Variants in SYNPR observed in about 807,000 individuals in gnomAD.
The protein encoded by SYNPR is synaptoporin.
Under a neutral mutation model 32.9 loss-of-function variants are expected in SYNPR, and 23 were observed. The observed-to-expected ratio is 0.70, with a 90% CI of 0.50 to 0.99. SYNPR has a LOEUF of 0.99. Among genes scored for constraint, SYNPR ranks in the 50% least tolerant of loss-of-function variants. SYNPR has a pLI of 0.00. For synonymous variants in SYNPR, 146 were observed against 135.9 expected (o/e 1.07, Z -0.52); for missense variants, 318 against 349.3 (o/e 0.91, Z 0.71).
At chr3:63,484,723 C>T (rs555639866) in intron 3 of SYNPR, among the ~76,000 whole-genome samples, 1 of 152,096 alleles carries the variant, frequency 6.6e-6, no homozygotes, top group African/African-American at 2.4e-5. Context: ...GAAGATTGGG[C>T]TGAGAAAAAT....
At chr3:63,337,990 A>G (rs907609186) in intron 2 of SYNPR, among the ~76,000 whole-genome samples, 4 of 152,186 alleles carry the variant, frequency 2.6e-5, no homozygotes, top group Non-Finnish European at 5.9e-5. Flanking sequence ...CAAACAGGGA[A>G]CTCTAATGCA....
chr3:63,361,300 G>A (rs2087656535), intron 2 of SYNPR, among the ~76,000 whole-genome samples: 1 of 151,994 alleles, frequency 6.6e-6, no homozygotes, highest in South Asian at 2.1e-4. Context: ...AGGAAAAATG[G>A]ATATAGGCCA....
chr3:63,228,852 C>A (rs1470727374), intron 1 of SYNPR, among the ~76,000 whole-genome samples: 1 of 151,972 alleles, frequency 6.6e-6, no homozygotes, highest in Non-Finnish European at 1.5e-5. Flanking sequence ...TTTGCTTTCA[C>A]GCCATCTGAG....
At chr3:63,408,325 AAAGAAAGAAAG>A (rs1560221262) in intron 2 of SYNPR, among the ~76,000 whole-genome samples, 2 of 127,144 alleles carry the variant, frequency 1.6e-5, no homozygotes, top group African/African-American at 6.6e-5. Context: ...GGAAGGAAAG[AAAGAAAGAAAG>A]AAAGAAAGAA....
rs536857532 is a variant in SYNPR at position 63,541,815 on chromosome 3, C to T, written c.210-14728C>T. ...CTAAAATTAATTTCAGAAAAGAATG[C>T]TTTTCAATCATGCAGTATCCAGTGT... On this transcript the variant is annotated intron_variant, in intron 3 of 5. Transcript: ENST00000478300. Among the ~76,000 whole-genome samples, 114 of 152,172 alleles carry T rather than the reference C, an allele frequency of 7.5e-4. 1 individual carries two copies. Among genetic ancestry groups the T allele is most frequent in the Middle Eastern group, 6.8e-3 (2 of 294 alleles).
intron 3 of SYNPR, among the ~76,000 whole-genome samples, chr3:63,485,169 T>C (rs956818606): frequency 2.6e-5 from 4 of 151,724 alleles, no homozygotes; most frequent in Non-Finnish European, 4.4e-5. Flanking sequence ...TGAAGAGAGG[T>C]CACCAAGAGA....
intron 2 of SYNPR, among the ~76,000 whole-genome samples, chr3:63,480,556 G>A (rs574189823): frequency 6.6e-6 from 1 of 152,050 alleles, no homozygotes; most frequent in Non-Finnish European, 1.5e-5. Context: ...TCTGAGACAC[G>A]ACAGCTCTTT....
intron 2 of SYNPR, among the ~76,000 whole-genome samples, chr3:63,362,908 T>C (rs565485073): frequency 1.7e-3 from 252 of 152,318 alleles, no homozygotes; most frequent in Non-Finnish European, 2.2e-3. Flanking sequence ...AAAAATTTCA[T>C]GGAGAGCAAA....
At chr3:63,367,440 C>T (rs2087740803) in intron 2 of SYNPR, among the ~76,000 whole-genome samples, 1 of 151,830 alleles carries the variant, frequency 6.6e-6, no homozygotes, top group Admixed American at 6.6e-5. Flanking sequence ...GGTTACTGCA[C>T]CCTCCACCTC....
chr3:63,582,076 G>A (rs1239024213), intron 4 of SYNPR, among the ~76,000 whole-genome samples: 1 of 151,512 alleles, frequency 6.6e-6, no homozygotes, highest in Non-Finnish European at 1.5e-5. Context: ...ACGGAATCAA[G>A]ATGTTGCATA....
intron 2 of SYNPR, among the ~76,000 whole-genome samples, chr3:63,411,237 G>A (rs146529845): frequency 3.3e-5 from 5 of 152,206 alleles, no homozygotes; most frequent in African/African-American, 1.2e-4. Context: ...GAGGTCAAAG[G>A]TGGTAAGGCT....
At chr3:63,265,749 G>A (rs1037320087) in intron 2 of SYNPR, among the ~76,000 whole-genome samples, 2 of 152,090 alleles carry the variant, frequency 1.3e-5, no homozygotes, top group African/African-American at 2.4e-5. Flanking sequence ...TTCATCACTA[G>A]ACTTTCACAT....
chr3:63,336,027 C>T (rs923395382), intron 2 of SYNPR, among the ~76,000 whole-genome samples: 5 of 151,980 alleles, frequency 3.3e-5, no homozygotes, highest in Non-Finnish European at 7.4e-5. Context: ...CCGCCTGCCT[C>T]GGCCTCCCAT....
chr3:63,566,824 C>T (rs58269561), intron 4 of SYNPR, among the ~76,000 whole-genome samples: 6,490 of 152,250 alleles, frequency 0.043, 490 homozygotes, highest in African/African-American at 0.15. Flanking sequence ...GCCACTAGAA[C>T]AACACCAGGC....
At chr3:63,387,824 G>A (rs917960255) in intron 2 of SYNPR, among the ~76,000 whole-genome samples, 16 of 152,146 alleles carry the variant, frequency 1.1e-4, no homozygotes, top group South Asian at 2.1e-4. Context: ...ATTGGGTGGC[G>A]GAGGGACAAA....
intron 2 of SYNPR, among the ~76,000 whole-genome samples, chr3:63,352,203 T>A (rs578235529): frequency 3.2e-4 from 48 of 152,204 alleles, no homozygotes; most frequent in African/African-American, 1.1e-3. Flanking sequence ...GAGTTGATCA[T>A]CAAGACTTGA....
chr3:63,338,579 A>G (rs530405742), intron 2 of SYNPR, among the ~76,000 whole-genome samples: 9 of 152,344 alleles, frequency 5.9e-5, no homozygotes, highest in African/African-American at 1.9e-4. Flanking sequence ...ATAAGAGCCA[A>G]TAGAGAACTG....
chr3:63,203,680 G>C, the SYNPR span, among the ~76,000 whole-genome samples: 1 of 152,156 alleles, frequency 6.6e-6, no homozygotes, highest in East Asian at 1.9e-4. Flanking sequence ...ATGCTACCTA[G>C]ACACTACTGC....
Position 63,615,453 on chromosome 3 carries a change from G to A in SYNPR, c.830G>A (p.Gly277Asp), listed in dbSNP as rs1285934714. ...TSDEFGQQPTGPTSFTNQI is the reference protein window; with the variant it reads ...TSDEFGQQPTDPTSFTNQI ...GATGAGTTTGGCCAACAGCCTACTGGCCCCACTTCCTTTACCAATCAGATT... is the reference window on the plus strand; with the variant it reads ...GATGAGTTTGGCCAACAGCCTACTGACCCCACTTCCTTTACCAATCAGATT... The change falls in exon 6 of 6, where the codon GGC (glycine) becomes GAC (aspartate). Residue 277 changes from glycine (G) to aspartate (D), a missense_variant. Physicochemically the swap from Gly to Asp is moderately conservative, Grantham distance 94. Transcript: ENST00000478300. 2 of 1,613,954 alleles carry A rather than the reference G, an allele frequency of 1.2e-6. No individual in the cohort carries two copies. The highest frequency in any genetic ancestry group is 1.7e-6 in the Non-Finnish European group (2 of 1,179,884).
Sources: allele counts gnomAD v4.1 joint callset (sites outside exome capture counted in the v4.1 genomes callset), GRCh38; gene constraint gnomAD v4.1.1; transcripts MANE v1.5; gene names NCBI Gene and HGNC (gene_info 2026-07-23, HGNC 2026-07-21).